Variants in THEM4 observed in about 807,000 individuals in gnomAD.
THEM4 encodes thioesterase superfamily member 4.
A neutral mutation model predicts 25.0 loss-of-function variants in THEM4; 22 were observed. That is an observed-to-expected ratio of 0.88 (90% CI 0.63 to 1.26). The LOEUF (loss-of-function observed/expected upper bound fraction) is 1.26, where lower values mean the gene tolerates loss of function less well. Ranked by LOEUF, THEM4 falls within the 50% of genes most tolerant of loss-of-function variation. THEM4 has a pLI of 0.00. For missense variants in THEM4, 286 were observed against 300.3 expected, an observed-to-expected ratio of 0.95 and a Z score of 0.35; for synonymous variants, 113 against 105.6, an observed-to-expected ratio of 1.07 and a Z score of -0.43.
rs551053965 is a variant in THEM4, at chr1:151,872,368, A to G, written c.*2520T>C. 2.0e-5 allele frequency among the ~76,000 whole-genome samples: 3 copies of G among 152,240 alleles called. No homozygotes were observed. Among genetic ancestry groups the G allele is most frequent in the Non-Finnish European group, 4.4e-5 (3 of 68,038 alleles). ...AACCATAGGAAATTGTCAATATTTG[A>G]CCATTCTGTTCTTCGAAATAGTGAT... On this transcript the variant is annotated 3_prime_UTR_variant, in exon 6 of 6. Coordinates refer to ENST00000368814, the MANE Select transcript of THEM4 (RefSeq NM_053055.5).
chr1:151,908,005 T>A (rs1654509995), intron 1 of THEM4, among the ~76,000 whole-genome samples: 1 of 152,106 alleles, frequency 6.6e-6, no homozygotes. Flanking sequence ...GCCTGCAGTC[T>A]CCCCCTCCCC....
chr1:151,899,231 G>A (rs533446912), intron 1 of THEM4, among the ~76,000 whole-genome samples: 3 of 152,152 alleles, frequency 2.0e-5, no homozygotes, highest in Non-Finnish European at 4.4e-5. Flanking sequence ...GGTGACTCAC[G>A]CCTGTAATCC....
At chr1:151,887,961 T>C (rs1187430964) in intron 4 of THEM4, among the ~76,000 whole-genome samples, 1 of 152,218 alleles carries the variant, frequency 6.6e-6, no homozygotes, top group Non-Finnish European at 1.5e-5. Context: ...CCTGATCCTA[T>C]GACCAATACA....
In THEM4 at chr1:151,895,045, A is replaced by T. The variant is rs1558192773; in HGVS notation, c.249T>A (p.Pro83=). ...WKRLPSYKRT[P]TEWIQDFKTH... is the part of the protein sequence containing the mutation. The stretch of plus-strand genomic sequence containing the variant: ...TTTTGAAGTCTTGAATCCATTCAGT[A>T]GGTGTACGTTTATATGAAGGCAAAC... The change falls in exon 2 of 6, where the codon CCT becomes CCA. Residue 83 remains proline, a synonymous_variant. Coordinates refer to ENST00000368814, the MANE Select transcript of THEM4 (RefSeq NM_053055.5). 6.2e-7 allele frequency: 1 copy of T among 1,614,116 alleles called. No homozygotes were observed. Among genetic ancestry groups the T allele is most frequent in the Non-Finnish European group, 8.5e-7 (1 of 1,180,014 alleles).
intron 2 of THEM4, chr1:151,890,001 G>C: frequency 4.5e-6 from 1 of 222,126 alleles, no homozygotes; most frequent in Non-Finnish European, 9.6e-6. Context: ...CCGCCTCCCG[G>C]GTTCAAGCGA....
rs114602008 is a variant in THEM4, at chr1:151,897,796, C to A, written c.100-2602G>T. On this transcript the variant is annotated intron_variant, in intron 1 of 5. Coordinates refer to ENST00000368814, the MANE Select transcript of THEM4 (RefSeq NM_053055.5). ...CAACTGTGGAATTGGGAAAGAAAGA[C>A]CCTCCTCTCCTGAACACACACCCCT... Among the ~76,000 whole-genome samples the A allele has an allele frequency of 5.8e-3, 878 of 152,280 alleles. 9 individuals carry two copies. Among genetic ancestry groups the A allele is most frequent in the African/African-American group, 0.02 (842 of 41,544 alleles).
At chr1:151,883,911 C>T (rs1653901807) in intron 4 of THEM4, among the ~76,000 whole-genome samples, 1 of 151,852 alleles carries the variant, frequency 6.6e-6, no homozygotes, top group Admixed American at 6.6e-5. Flanking sequence ...CTCGTCTCTA[C>T]TAAAAATACA....
At chr1:151,880,061 A>G (rs1653777147) in intron 4 of THEM4, among the ~76,000 whole-genome samples, 1 of 151,588 alleles carries the variant, frequency 6.6e-6, no homozygotes, top group Non-Finnish European at 1.5e-5. Context: ...ATCATAGTGC[A>G]TTGCAGCCTT....
At chr1:151,897,509 T>C (rs1209840094) in intron 1 of THEM4, among the ~76,000 whole-genome samples, 2 of 152,222 alleles carry the variant, frequency 1.3e-5, no homozygotes, top group Non-Finnish European at 1.5e-5. Context: ...CTCTCCTTGC[T>C]CCTCAGCTTG....
chr1:151,889,521 C>T (rs776481894), intron 2 of THEM4, 148 bp from the exon 3 acceptor site: 2 of 687,710 alleles, frequency 2.9e-6, no homozygotes, highest in East Asian at 2.7e-5. Flanking sequence ...GGAATGGGAG[C>T]GTCTCAATGA....
intron 4 of THEM4, among the ~76,000 whole-genome samples, chr1:151,883,094 T>TTTATTTATTTA (rs1653882325): frequency 7.2e-6 from 1 of 138,290 alleles, no homozygotes; most frequent in East Asian, 2.1e-4. Context: ...TGTCAAATGC[T>TTTATTTATTTA]TTTATTTATT....
In THEM4 at chr1:151,889,220, G is replaced by A. The variant is rs1197023195; in HGVS notation, c.440C>T (p.Pro147Leu). 2 of 1,612,052 alleles carry A rather than the reference G, an allele frequency of 1.2e-6. No homozygotes were observed. The highest frequency in any genetic ancestry group is 3.3e-5 in the Admixed American group (2 of 59,976). ...TTCAGGCTATCATTCTTACCCAGGT[G>A]GTCCTTCCAGGTAAGGGCCTCCTTG... ...LFQGGPYLEG[P>L]PGFIHGGAIA... is the part of the protein sequence containing the mutation. Residue 147 changes from proline (P) to leucine (L), a missense_variant, in exon 3 of 6, where the codon CCA (proline) becomes CTA (leucine). Coordinates refer to ENST00000368814, the MANE Select transcript of THEM4 (RefSeq NM_053055.5).
At chr1:151,875,509 T>C (rs1174946668) in intron 5 of THEM4, among the ~76,000 whole-genome samples, 1 of 151,722 alleles carries the variant, frequency 6.6e-6, no homozygotes, top group Non-Finnish European at 1.5e-5. Context: ...TGTAAGGAGG[T>C]ATGTGCAACT....
intron 1 of THEM4, among the ~76,000 whole-genome samples, chr1:151,902,453 C>T (rs554416329): frequency 2.3e-4 from 34 of 150,940 alleles, no homozygotes; most frequent in East Asian, 3.9e-4. Flanking sequence ...GCTATGAGGA[C>T]GCAAAGGCAT....
In THEM4 at chr1:151,885,919, C is replaced by T. The variant is rs144657778; in HGVS notation, c.557+2354G>A. ...ATTATTTTCAATTAAAATATAATCC[C>T]AGGTTGTTACCTGTAGCATCTTGAA... On this transcript the variant is annotated intron_variant, in intron 4 of 5. Transcript: ENST00000368814. Among the ~76,000 whole-genome samples the T allele has an allele frequency of 1.1e-3, 162 of 152,252 alleles. 1 individual carries two copies. The East Asian group carries it at 0.022, about 21-fold the overall frequency.
chr1:151,903,091 T>C (rs551707932), intron 1 of THEM4, among the ~76,000 whole-genome samples: 59 of 152,308 alleles, frequency 3.9e-4, no homozygotes, highest in African/African-American at 1.3e-3. Flanking sequence ...ATGATCAGGG[T>C]TGAAACCACT....
chr1:151,895,260 C>T, intron 1 of THEM4, 66 bp from the exon 2 acceptor site: 1 of 1,326,294 alleles, frequency 7.5e-7, no homozygotes, highest in Non-Finnish European at 1.0e-6. Context: ...ACATATTCTC[C>T]CAATTTCTAA....
At chr1:151,875,571 T>C (rs1236539295) in intron 5 of THEM4, among the ~76,000 whole-genome samples, 1 of 151,994 alleles carries the variant, frequency 6.6e-6, no homozygotes, top group East Asian at 1.9e-4. Flanking sequence ...AGAACATCTA[T>C]AAATCAGTAA....
At chr1:151,876,164 T>C (rs1653666451) in intron 5 of THEM4, among the ~76,000 whole-genome samples, 1 of 152,200 alleles carries the variant, frequency 6.6e-6, no homozygotes, top group African/African-American at 2.4e-5. Context: ...CACACATAAA[T>C]ATAGACATAT....
Sources: allele counts gnomAD v4.1 joint callset (sites outside exome capture counted in the v4.1 genomes callset), GRCh38; gene constraint gnomAD v4.1.1; transcripts MANE v1.5; gene names NCBI Gene and HGNC (gene_info 2026-07-23, HGNC 2026-07-21).